Variants in MAP3K9 observed in about 807,000 individuals in gnomAD.
The protein encoded by MAP3K9 is mixed lineage kinase 1 (tyr and ser/thr specificity).
MAP3K9 carries 46 observed loss-of-function variants against 95.8 expected under a neutral mutation model. That is an observed-to-expected ratio of 0.48 (90% CI 0.38 to 0.61). MAP3K9 has a LOEUF of 0.61. MAP3K9 is among the 20% of genes least tolerant of loss of function. MAP3K9 has a pLI of 0.00. For missense variants in MAP3K9, 1,296 were observed against 1,474.3 expected (o/e 0.88, Z 1.98); for synonymous variants, 533 against 593.8 (o/e 0.90, Z 1.49).
At chr14:70,787,931 G>A (rs936111103) in intron 2 of MAP3K9, among the ~76,000 whole-genome samples, 1 of 152,142 alleles carries the variant, frequency 6.6e-6, no homozygotes, top group African/African-American at 2.4e-5. Context: ...ACAGAGATGG[G>A]GGGAGCAAGG....
intron 2 of MAP3K9, 145 bp from the exon 3 acceptor site, chr14:70,761,327 T>A (rs2054371936): frequency 1.5e-6 from 1 of 656,056 alleles, no homozygotes; most frequent in Non-Finnish European, 2.6e-6. Flanking sequence ...GAGCCATCAT[T>A]TCTTAAACAC....
chr14:70,776,715 A>G (rs1038773201), intron 2 of MAP3K9, among the ~76,000 whole-genome samples: 3 of 152,144 alleles, frequency 2.0e-5, no homozygotes, highest in African/African-American at 7.2e-5. Context: ...TCGGGCCCCA[A>G]ATAAAGCATT....
At chr14:70,779,854 A>G (rs1042104318) in intron 2 of MAP3K9, among the ~76,000 whole-genome samples, 5 of 152,228 alleles carry the variant, frequency 3.3e-5, no homozygotes, top group African/African-American at 1.2e-4. Flanking sequence ...CCCAGGTATC[A>G]GTGCAATGCA....
chr14:70,732,902 G>A lies in MAP3K9; in HGVS notation c.2467C>T (p.Leu823=), dbSNP rs545709185. The A allele has an allele frequency of 3.7e-6, 6 of 1,613,988 alleles. No individual in the cohort carries two copies. The African/African-American group carries it at 6.7e-5, about 18-fold the overall frequency. ...GAGGCAGAGGGGTCTCCTAGCAACA[G>A]CATGGGCTCCTCCTTCTTGAAAAGC... ...RKLFKKEEPM[L]LLGDPSASLT... is the part of the protein sequence containing the mutation. The change falls in exon 11 of 12, where the codon CTG becomes TTG. Residue 823 remains leucine (L), a synonymous_variant. Coordinates refer to ENST00000554752, the MANE Select transcript of MAP3K9 (RefSeq NM_001284230.2).
At position 70,726,695 on chromosome 14, in the gene MAP3K9, A is replaced by G. The variant is rs2053824835; in HGVS notation, c.*3685T>C. 1 of 152,260 alleles carries G rather than the reference A, an allele frequency of 6.6e-6. No homozygotes were observed. Among genetic ancestry groups the G allele is most frequent in the African/African-American group, 2.4e-5 (1 of 41,462 alleles). 9.4% of individuals were successfully genotyped at this position (152,260 alleles called of 1,614,324 possible). A position where few individuals can be genotyped will look rare whatever the true frequency, so the allele number is the denominator to read the frequency against. On this transcript the variant is annotated 3_prime_UTR_variant, in exon 12 of 12. Coordinates refer to ENST00000554752, the MANE Select transcript of MAP3K9 (RefSeq NM_001284230.2). ...ATTAGTCATGCTCAACCACCTCCAA[A>G]TCACTCCTCTTCCAGAAGCCAAAGG... is the stretch of plus-strand genomic sequence containing the variant.
chr14:70,750,330 G>A (rs895301040), intron 3 of MAP3K9, among the ~76,000 whole-genome samples: 1 of 152,184 alleles, frequency 6.6e-6, no homozygotes, highest in Non-Finnish European at 1.5e-5. Context: ...CTTGGGCAAG[G>A]CACTACACCT....
chr14:70,771,897 CCTGTTGTG>C lies in MAP3K9; in HGVS notation c.821-10723_821-10716del, dbSNP rs138335448. On this transcript the variant is annotated intron_variant, in intron 2 of 11. Coordinates refer to ENST00000554752, the MANE Select transcript of MAP3K9 (RefSeq NM_001284230.2). ...CTCAGACCCAACACATAGCAGGCTC[CCTGTTGTG>C]CTGACGCAGCAAGAGCTGCATGAGA... 2.0e-3 allele frequency among the ~76,000 whole-genome samples: 309 copies of C among 152,334 alleles called. 2 individuals are homozygous for C. The East Asian group carries it at 0.024, about 12-fold the overall frequency.
At chr14:70,788,192 A>G (rs1017691409) in intron 2 of MAP3K9, among the ~76,000 whole-genome samples, 2 of 152,160 alleles carry the variant, frequency 1.3e-5, no homozygotes, top group Non-Finnish European at 2.9e-5. Context: ...CTACATTTTG[A>G]ATTTTTTAAA....
Position 70,800,908 on chromosome 14 carries a change from C to T in MAP3K9, c.579G>A (p.Lys193=). 6.2e-7 allele frequency: 1 copy of T among 1,614,200 alleles called. No individual in the cohort carries two copies. Among genetic ancestry groups the T allele is most frequent in the Non-Finnish European group, 8.5e-7 (1 of 1,180,046 alleles). Residue 193 remains lysine (K), a synonymous_variant, in exon 2 of 12, where the codon AAG becomes AAA. Transcript: ENST00000554752. ...TGGGGTGCTTCAGCATGGCGAAGAG[C>T]TTGGCCTCTTGGCGAACATTCTCTA... ...QTIENVRQEA[K]LFAMLKHPNI... is the part of the protein sequence containing the mutation.
At chr14:70,753,515 G>A (rs193260922) in intron 3 of MAP3K9, among the ~76,000 whole-genome samples, 138 of 152,294 alleles carry the variant, frequency 9.1e-4, no homozygotes, top group African/African-American at 3.2e-3. Context: ...CTGAGCTCAG[G>A]GAAAGGCGGG....
At chr14:70,803,204 G>A (rs1487193522) in intron 1 of MAP3K9, among the ~76,000 whole-genome samples, 1 of 151,764 alleles carries the variant, frequency 6.6e-6, no homozygotes, top group Admixed American at 6.6e-5. Flanking sequence ...CATGCTTCCC[G>A]TACAGGCTGC....
chr14:70,738,169 A>T, intron 8 of MAP3K9, 76 bp downstream of exon 8: 1 of 1,425,342 alleles, frequency 7.0e-7, no homozygotes, highest in South Asian at 1.5e-5. Context: ...AGAGAAAAAA[A>T]GTTATTTCAT....
rs371421316 is a variant in MAP3K9, at chr14:70,742,511, C to T, written c.1407G>A (p.Glu469=). 14 of 1,614,132 alleles carry T rather than the reference C, an allele frequency of 8.7e-6. No homozygotes were observed. The highest frequency in any genetic ancestry group is 1.3e-5 in the African/African-American group (1 of 74,942). ...KNQEELLRRR[E]QELAEREIDI... is the part of the protein sequence containing the mutation. The stretch of plus-strand genomic sequence containing the variant: ...CAATCTCCCGCTCGGCCAGCTCCTG[C>T]TCCCGACGCCGCAGCAGTTCCTCCT... Residue 469 remains glutamate (E), a synonymous_variant, in exon 6 of 12, where the codon GAG becomes GAA. Coordinates refer to ENST00000554752, the MANE Select transcript of MAP3K9 (RefSeq NM_001284230.2).
intron 5 of MAP3K9, among the ~76,000 whole-genome samples, chr14:70,742,858 GT>G (rs908271421): frequency 2.0e-5 from 3 of 150,822 alleles, no homozygotes; most frequent in African/African-American, 7.3e-5. Context: ...GGGGCTAAGA[GT>G]TTCTAGTCGC....
rs766190579 is a variant in MAP3K9, at chr14:70,725,811, G to A, written c.*4569C>T. On this transcript the variant is annotated 3_prime_UTR_variant, in exon 12 of 12. Coordinates refer to ENST00000554752, the MANE Select transcript of MAP3K9 (RefSeq NM_001284230.2). The stretch of plus-strand genomic sequence containing the variant: ...TAGCTGATATTCGACTGTTTTTGAC[G>A]TAAAACCGTACGTATATTTCACACA... 14 of 145,974 alleles carry A rather than the reference G, an allele frequency of 9.6e-5. No individual in the cohort carries two copies. Among genetic ancestry groups the A allele is most frequent in the Non-Finnish European group, 1.8e-4 (12 of 66,394 alleles). The allele number at this position is 145,974 out of a possible 1,614,324, so 9.0% of individuals were successfully genotyped here. A position where few individuals can be genotyped will look rare whatever the true frequency, so the allele number is the denominator to read the frequency against.
At chr14:70,769,285 C>T (rs941331248) in intron 2 of MAP3K9, among the ~76,000 whole-genome samples, 5 of 152,158 alleles carry the variant, frequency 3.3e-5, no homozygotes, top group Non-Finnish European at 7.3e-5. Flanking sequence ...TAATCCCATC[C>T]GGTCCCTTTA....
chr14:70,809,251 A>G lies in MAP3K9; in HGVS notation c.-80T>C. On this transcript the variant is annotated 5_prime_UTR_variant, in exon 1 of 12. Transcript: ENST00000554752. ...GCCTATTGTTCATGCGCCTCCGCAG[A>G]GCTGGGAGGACCCCCCCCCAACGAC... The G allele has an allele frequency of 7.9e-7, 1 of 1,258,480 alleles. No individual in the cohort carries two copies. Among genetic ancestry groups the G allele is most frequent in the Non-Finnish European group, 9.9e-7 (1 of 1,005,572 alleles). 78.0% of individuals were successfully genotyped at this position (1,258,480 alleles called of 1,614,324 possible).
chr14:70,801,124 A>G, intron 1 of MAP3K9, 44 bp from the exon 2 acceptor site: 1 of 1,562,510 alleles, frequency 6.4e-7, no homozygotes, highest in Non-Finnish European at 8.7e-7. Context: ...AAACATCTTG[A>G]AAACATCGTA....
At chr14:70,765,503 A>AT (rs1305333105) in intron 2 of MAP3K9, 1 of 678,906 alleles carries the variant, frequency 1.5e-6, no homozygotes, top group Admixed American at 2.2e-5. Context: ...AAGAAGTACC[A>AT]TTTTTTATTT....
Sources: allele counts gnomAD v4.1 joint callset (sites outside exome capture counted in the v4.1 genomes callset), GRCh38; gene constraint gnomAD v4.1.1; transcripts MANE v1.5; gene names NCBI Gene and HGNC (gene_info 2026-07-23, HGNC 2026-07-21).